Variants in EPHB2 observed in about 807,000 individuals in gnomAD.
EPHB2 encodes ephrin type-B receptor 2.
EPHB2 carries 18 observed loss-of-function variants against 96.4 expected under a neutral mutation model. The observed-to-expected ratio is 0.19, with a 90% CI of 0.13 to 0.28. The LOEUF (loss-of-function observed/expected upper bound fraction) is 0.28. Among genes scored for constraint, EPHB2 ranks in the 10% least tolerant of loss-of-function variants. The probability of loss-of-function intolerance (pLI) is 1.00; values close to 1 mark genes in which losing one functional copy is unlikely to be tolerated. For synonymous variants in EPHB2, 506 were observed against 534.1 expected (o/e 0.95, Z 0.72); for missense variants, 989 against 1,355.4 (o/e 0.73, Z 4.25).
intron 3 of EPHB2, among the ~76,000 whole-genome samples, chr1:22,824,989 T>C (rs564994090): frequency 8.5e-5 from 13 of 152,322 alleles, no homozygotes; most frequent in Admixed American, 7.8e-4. Context: ...TGGGACACTT[T>C]CCTCATCTTC....
intron 3 of EPHB2, among the ~76,000 whole-genome samples, chr1:22,833,110 T>C (rs1645330348): frequency 6.6e-6 from 1 of 152,220 alleles, no homozygotes; most frequent in East Asian, 1.9e-4. Context: ...TAAGGGATTT[T>C]TTTTTCTTTT....
chr1:22,834,221 T>C (rs1294953332), intron 3 of EPHB2, among the ~76,000 whole-genome samples: 1 of 152,026 alleles, frequency 6.6e-6, no homozygotes, highest in Non-Finnish European at 1.5e-5. Context: ...TTACACTTTT[T>C]CCCCCTCAGA....
At chr1:22,786,022 T>C (rs557239027) in intron 3 of EPHB2, among the ~76,000 whole-genome samples, 43 of 152,302 alleles carry the variant, frequency 2.8e-4, no homozygotes, top group Non-Finnish European at 5.1e-4. Context: ...TAAGTGGTGT[T>C]TGAATATGGT....
chr1:22,890,493 C>T (rs1639355727), intron 6 of EPHB2, among the ~76,000 whole-genome samples: 1 of 152,176 alleles, frequency 6.6e-6, no homozygotes, highest in African/African-American at 2.4e-5. Flanking sequence ...CTCCTTTCCT[C>T]TGAACCTGCT....
intron 3 of EPHB2, among the ~76,000 whole-genome samples, chr1:22,852,727 A>C (rs1464675712): frequency 6.6e-6 from 1 of 152,248 alleles, no homozygotes; most frequent in East Asian, 1.9e-4. Flanking sequence ...GGGAACACAC[A>C]GCAGTCATGA....
At chr1:22,819,670 G>A (rs1645125358) in intron 3 of EPHB2, among the ~76,000 whole-genome samples, 1 of 152,096 alleles carries the variant, frequency 6.6e-6, no homozygotes. Flanking sequence ...GAGAGTGATG[G>A]GGAAATCACC....
At chr1:22,891,182 A>G (rs1343006340) in intron 6 of EPHB2, 1 of 456,080 alleles carries the variant, frequency 2.2e-6, no homozygotes, top group South Asian at 1.5e-5. Context: ...GGTCATATAT[A>G]CTAGAGCCAG....
intron 3 of EPHB2, among the ~76,000 whole-genome samples, chr1:22,825,710 G>A (rs1395719744): frequency 6.6e-6 from 1 of 152,228 alleles, no homozygotes; most frequent in Admixed American, 6.5e-5. Context: ...CACCCTGGGG[G>A]CCAGGTGTGG....
chr1:22,820,948 G>A (rs2148474163), intron 3 of EPHB2, among the ~76,000 whole-genome samples: 1 of 152,288 alleles, frequency 6.6e-6, no homozygotes, highest in Non-Finnish European at 1.5e-5. Context: ...CATCAGTTTG[G>A]ATTATGAGTA....
chr1:22,901,041 C>T (rs1639732446), intron 9 of EPHB2, among the ~76,000 whole-genome samples: 2 of 152,190 alleles, frequency 1.3e-5, no homozygotes, highest in African/African-American at 4.8e-5. Context: ...TCGGGGAAGC[C>T]ATCAAACCTC....
At chr1:22,830,039 A>C (rs1645280748) in intron 3 of EPHB2, among the ~76,000 whole-genome samples, 1 of 152,192 alleles carries the variant, frequency 6.6e-6, no homozygotes, top group African/African-American at 2.4e-5. Flanking sequence ...GTTCATGATC[A>C]TGCTCAAGTT....
chr1:22,742,789 T>C (rs935386161), intron 1 of EPHB2, among the ~76,000 whole-genome samples: 4 of 151,286 alleles, frequency 2.6e-5, no homozygotes, highest in East Asian at 2.0e-4. Flanking sequence ...CTGACTGACT[T>C]TCTTTTCTAA....
chr1:22,850,498 C>T (rs1000396833), intron 3 of EPHB2, among the ~76,000 whole-genome samples: 1 of 152,170 alleles, frequency 6.6e-6, no homozygotes, highest in East Asian at 1.9e-4. Flanking sequence ...GCCAGATGTG[C>T]GGGAGGGGCC....
intron 12 of EPHB2, among the ~76,000 whole-genome samples, chr1:22,908,653 C>T (rs1266237003): frequency 2.0e-5 from 3 of 152,152 alleles, no homozygotes; most frequent in Non-Finnish European, 4.4e-5. Context: ...ACTGAAAGGA[C>T]AAAGAGCCCA....
intron 3 of EPHB2, among the ~76,000 whole-genome samples, chr1:22,805,017 T>C (rs1228522172): frequency 6.6e-6 from 1 of 151,972 alleles, no homozygotes; most frequent in African/African-American, 2.4e-5. Flanking sequence ...CCCAGACACA[T>C]TGGGGTCAGG....
intron 1 of EPHB2, among the ~76,000 whole-genome samples, chr1:22,736,807 G>T (rs1643841937): frequency 6.6e-6 from 1 of 152,172 alleles, no homozygotes; most frequent in South Asian, 2.1e-4. Flanking sequence ...GGGTCACCCT[G>T]CCTAGGAGGA....
intron 1 of EPHB2, among the ~76,000 whole-genome samples, chr1:22,722,395 A>C (rs542178580): frequency 6.6e-6 from 1 of 152,352 alleles, no homozygotes; most frequent in East Asian, 1.9e-4. Flanking sequence ...ACTGGCTGGC[A>C]GTTTACAACC....
intron 1 of EPHB2, among the ~76,000 whole-genome samples, chr1:22,759,988 A>G (rs1644212582): frequency 6.6e-6 from 1 of 152,168 alleles, no homozygotes; most frequent in Non-Finnish European, 1.5e-5. Context: ...TGTCAACCTG[A>G]GGCTTGTGCA....
chr1:22,876,379 C>T (rs1638836406), intron 5 of EPHB2, among the ~76,000 whole-genome samples: 1 of 152,122 alleles, frequency 6.6e-6, no homozygotes, highest in Non-Finnish European at 1.5e-5. Flanking sequence ...GAGACCACCC[C>T]GTACAACCCC....
Sources: gnomAD v4.1 joint callset for allele counts (sites outside exome capture counted in the v4.1 genomes callset) on GRCh38, gnomAD v4.1.1 for gene constraint, MANE v1.5 for transcripts, NCBI Gene and HGNC (gene_info 2026-07-23, HGNC 2026-07-21) for gene names.